The following TACR3 variants were observed in gnomAD, a reference collection of about 807,000 sequenced individuals.
TACR3 encodes tachykinin receptor 3, also known as neuromedin-K receptor.
TACR3 carries 34 observed loss-of-function variants against 35.0 expected under a neutral mutation model. The ratio of observed to expected loss-of-function variants is 0.97; its 90% CI spans 0.74 to 1.30. The LOEUF is 1.30. TACR3 is among the 50% of genes most tolerant of loss of function. The pLI is 0.00. For synonymous variants in TACR3, 233 were observed against 221.1 expected (o/e 1.05, Z -0.48); for missense variants, 558 against 591.7 (o/e 0.94, Z 0.59).
At chr4:103,599,052 C>A (rs555353477) in intron 3 of TACR3, among the ~76,000 whole-genome samples, 14 of 152,186 alleles carry the variant, frequency 9.2e-5, no homozygotes, top group Non-Finnish European at 1.5e-4. Context: ...GGCAGTATGG[C>A]CATTTTCACA....
At chr4:103,675,044 A>T (rs1560526512) in intron 1 of TACR3, among the ~76,000 whole-genome samples, 1 of 152,178 alleles carries the variant, frequency 6.6e-6, no homozygotes, top group Admixed American at 6.6e-5. Flanking sequence ...AAAAATGAAC[A>T]CTTTTTTGAG....
chr4:103,611,228 G>A (rs563765805), intron 3 of TACR3, among the ~76,000 whole-genome samples: 1 of 152,058 alleles, frequency 6.6e-6, no homozygotes, highest in South Asian at 2.1e-4. Context: ...GGATATTTTA[G>A]CAATATTAAT....
rs1304195195 is a variant in TACR3, at chr4:103,588,874, TC to T, written c.*807del. ...GGAATGTACCTTTACTGTTTTATAATCTAGCTATTTAAAAAATCTGTGAAAA... is the reference window on the plus strand; with the variant it reads ...GGAATGTACCTTTACTGTTTTATAATTAGCTATTTAAAAAATCTGTGAAAA... On this transcript the variant is annotated 3_prime_UTR_variant, in exon 5 of 5. Coordinates refer to ENST00000304883, the MANE Select transcript of TACR3 (RefSeq NM_001059.3). 1 of 152,158 alleles carries T rather than the reference TC, an allele frequency of 6.6e-6. No individual in the cohort carries two copies. Among genetic ancestry groups the T allele is most frequent in the African/African-American group, 2.4e-5 (1 of 41,442 alleles). 9.4% of individuals were successfully genotyped at this position (152,158 alleles called of 1,614,324 possible).
chr4:103,648,604 G>T (rs1725510139), intron 3 of TACR3, among the ~76,000 whole-genome samples: 1 of 152,018 alleles, frequency 6.6e-6, no homozygotes, highest in African/African-American at 2.4e-5. Context: ...CCATGTTGTT[G>T]CAAGTGAAAG....
chr4:103,646,422 A>G (rs996530421), intron 3 of TACR3, among the ~76,000 whole-genome samples: 2 of 152,026 alleles, frequency 1.3e-5, no homozygotes, highest in Non-Finnish European at 2.9e-5. Flanking sequence ...CTCTATATAG[A>G]CACCACTTCT....
intron 1 of TACR3, among the ~76,000 whole-genome samples, chr4:103,693,099 TTTCAC>T (rs1435773743): frequency 6.6e-6 from 1 of 152,210 alleles, no homozygotes; most frequent in Admixed American, 6.5e-5. Flanking sequence ...TTTCATTTCC[TTTCAC>T]AATTTTATTT....
At chr4:103,634,564 C>G (rs1010547017) in intron 3 of TACR3, among the ~76,000 whole-genome samples, 14 of 152,068 alleles carry the variant, frequency 9.2e-5, no homozygotes, top group Admixed American at 7.9e-4. Flanking sequence ...AAATGACCAT[C>G]AGTTGTCATC....
rs985023096 is a variant in TACR3, at chr4:103,635,350, G to T, written c.888+20844C>A. 2.6e-5 allele frequency among the ~76,000 whole-genome samples: 4 copies of T among 151,982 alleles called. No individual in the cohort carries two copies. In the East Asian group the frequency reaches 5.8e-4, roughly 22 times the overall value. ...ATTGAAGAGAAAGAATATAGCGACT[G>T]GAGTCTTATCAACTGAAAGAAGAAC... On this transcript the variant is annotated intron_variant, in intron 3 of 4. Coordinates refer to ENST00000304883, the MANE Select transcript of TACR3 (RefSeq NM_001059.3).
intron 3 of TACR3, among the ~76,000 whole-genome samples, chr4:103,609,863 T>C (rs1273231399): frequency 6.6e-6 from 1 of 152,142 alleles, no homozygotes; most frequent in Non-Finnish European, 1.5e-5. Context: ...ATTCTACATA[T>C]GACTGAAATC....
chr4:103,712,580 T>C (rs1722995178), intron 1 of TACR3, among the ~76,000 whole-genome samples: 2 of 152,088 alleles, frequency 1.3e-5, no homozygotes, highest in African/African-American at 4.8e-5. Context: ...ACTTTATGAC[T>C]AAAACACCAA....
intron 2 of TACR3, 125 bp downstream of exon 2, chr4:103,658,090 T>C (rs1391093935): frequency 3.1e-5 from 29 of 946,188 alleles, no homozygotes; most frequent in Non-Finnish European, 4.6e-5. Context: ...TTTATATATT[T>C]CCTTTTCCAA....
rs1466451518 is a variant in TACR3 at position 103,677,465 on chromosome 4, C to A, written c.549-19062G>T. Among the ~76,000 whole-genome samples, 7 of 152,106 alleles carry A rather than the reference C, an allele frequency of 4.6e-5. No individual in the cohort carries two copies. The East Asian group carries it at 1.3e-3, about 29-fold the overall frequency. ...AAAGACATATAATCAACCTAATGCC[C>A]ATCAGCAATAGACTAGATAAAGAAA... On this transcript the variant is annotated intron_variant, in intron 1 of 4. Transcript: ENST00000304883.
chr4:103,657,397 A>T (rs116095451), intron 2 of TACR3, among the ~76,000 whole-genome samples: 3,952 of 152,122 alleles, frequency 0.026, 173 homozygotes, highest in African/African-American at 0.09. Context: ...TGAATAGGGT[A>T]CTCAGTTTAA....
At chr4:103,646,034 A>G (rs1223361349) in intron 3 of TACR3, among the ~76,000 whole-genome samples, 1 of 151,960 alleles carries the variant, frequency 6.6e-6, no homozygotes, top group Non-Finnish European at 1.5e-5. Context: ...TTCCTAATTC[A>G]GTCATTTAAT....
chr4:103,590,052 C>A (rs1189313010), intron 4 of TACR3, 58 bp from the exon 5 acceptor site: 80 of 1,558,664 alleles, frequency 5.1e-5, no homozygotes, highest in Non-Finnish European at 6.9e-5. Flanking sequence ...ATATGTCTTT[C>A]AGCTGCCACA....
chr4:103,618,895 T>C (rs1244540872), intron 3 of TACR3, among the ~76,000 whole-genome samples: 1 of 152,184 alleles, frequency 6.6e-6, no homozygotes, highest in Non-Finnish European at 1.5e-5. Flanking sequence ...TCTCTCAGCC[T>C]GGAATGCTGG....
intron 3 of TACR3, among the ~76,000 whole-genome samples, chr4:103,647,256 T>C (rs1015641131): frequency 6.6e-5 from 10 of 151,934 alleles, no homozygotes; most frequent in Admixed American, 1.3e-4. Context: ...AAACAGATAG[T>C]TTCAATAATG....
chr4:103,597,015 G>A (rs1481891422), intron 3 of TACR3, among the ~76,000 whole-genome samples: 2 of 152,038 alleles, frequency 1.3e-5, no homozygotes, highest in Admixed American at 6.6e-5. Context: ...TGGACATTTG[G>A]GTTGGTTCCA....
intron 1 of TACR3, among the ~76,000 whole-genome samples, chr4:103,681,502 G>A (rs1438107146): frequency 1.3e-5 from 2 of 151,916 alleles, no homozygotes; most frequent in Non-Finnish European, 2.9e-5. Flanking sequence ...TGTACATCAA[G>A]GCAAAGAAAA....
Sources: allele counts gnomAD v4.1 joint callset (sites outside exome capture counted in the v4.1 genomes callset), GRCh38; gene constraint gnomAD v4.1.1; transcripts MANE v1.5; gene names NCBI Gene and HGNC (gene_info 2026-07-23, HGNC 2026-07-21).